RNF14: variants seen among roughly 807,000 people sequenced by gnomAD.
RNF14 encodes ring finger protein 14, also known as E3 ubiquitin-protein ligase RNF14.
In RNF14, 26 loss-of-function variants were observed where a neutral mutation model predicts 52.6. The ratio of observed to expected loss-of-function variants is 0.49; its 90% CI spans 0.36 to 0.69. The LOEUF (loss-of-function observed/expected upper bound fraction) is 0.69, where lower values mean the gene tolerates loss of function less well. Ranked by LOEUF, RNF14 falls within the 30% of genes least tolerant of loss-of-function variation. The pLI, the probability that RNF14 is intolerant of heterozygous loss-of-function variation, is 0.00. For synonymous variants in RNF14, 194 were observed against 202.0 expected (o/e 0.96, Z 0.34); for missense variants, 404 against 560.4 (o/e 0.72, Z 2.82).
intron 4 of RNF14, among the ~76,000 whole-genome samples, chr5:141,976,733 C>T (rs955270949): frequency 1.3e-5 from 2 of 151,110 alleles, no homozygotes; most frequent in East Asian, 1.9e-4. Context: ...GTCTCTTTCC[C>T]GTCCCCCTTC....
At chr5:141,953,209 C>T in the RNF14 span, 2 of 152,220 alleles carry the variant, frequency 1.3e-5, no homozygotes, top group African/African-American at 4.8e-5. Context: ...TAAATATGTC[C>T]CTGCCCCAGT....
upstream of RNF14, among the ~76,000 whole-genome samples, chr5:141,967,241 T>C (rs1034665668): frequency 6.6e-6 from 1 of 152,332 alleles, no homozygotes; most frequent in South Asian, 2.1e-4. Context: ...AAAATAAAAA[T>C]GCAGCCTCTC....
chr5:141,987,921 G>A lies in RNF14; in HGVS notation c.*131G>A. ...CTGCGTAGAAGATATGGAAGAACGA[G>A]GTTTATATTTTCATGTGGTACTACT... On this transcript the variant is annotated 3_prime_UTR_variant, in exon 9 of 9. Transcript: ENST00000394520. 2 of 823,640 alleles carry A rather than the reference G, an allele frequency of 2.4e-6. No homozygotes were observed. The highest frequency in any genetic ancestry group is 2.5e-5 in the East Asian group (1 of 39,558). The allele number at this position is 823,640 out of a possible 1,614,324, so 51.0% of individuals were successfully genotyped here. A position where few individuals can be genotyped will look rare whatever the true frequency, so the allele number is the denominator to read the frequency against.
the RNF14 span, chr5:141,951,474 G>T: frequency 6.3e-7 from 1 of 1,599,094 alleles, no homozygotes; most frequent in Non-Finnish European, 8.6e-7. Flanking sequence ...GATGCCTGTG[G>T]GGGCTACGTG....
At chr5:141,971,007 T>TAATTAAAGGAATTTTAAA (rs1424354876) in intron 2 of RNF14, 130 bp downstream of exon 2, 3 of 152,302 alleles carry the variant, frequency 2.0e-5, no homozygotes, top group Non-Finnish European at 4.4e-5. Flanking sequence ...AATTTCATAG[T>TAATTAAAGGAATTTTAAA]ATGACCTTTT....
chr5:141,978,841 AC>A lies in RNF14; in HGVS notation c.834+14del. The A allele has an allele frequency of 6.2e-7, 1 of 1,608,816 alleles. No homozygotes were observed. Among genetic ancestry groups the A allele is most frequent in the Non-Finnish European group, 8.5e-7 (1 of 1,175,952 alleles). The stretch of plus-strand genomic sequence containing the variant: ...GCCACTCCTGGTCAGGTAACTGTTT[AC>A]CCTGCTGATGGTTGCCTCCTAATTC... On this transcript the variant is annotated intron_variant, in intron 5 of 8. Transcript: ENST00000394520.
chr5:141,984,400 A>G (rs1022075618), intron 7 of RNF14, among the ~76,000 whole-genome samples: 2 of 152,154 alleles, frequency 1.3e-5, no homozygotes, highest in African/African-American at 2.4e-5. Flanking sequence ...ACCTGGCCAT[A>G]TAATCACTTT....
chr5:141,983,227 A>G (rs1754935537), intron 6 of RNF14, among the ~76,000 whole-genome samples, 153 bp from the exon 7 acceptor site: 1 of 152,182 alleles, frequency 6.6e-6, no homozygotes, highest in South Asian at 2.1e-4. Context: ...CCATTGTTAT[A>G]TGCATCTCCA....
rs966742447 is a variant in RNF14, at chr5:141,978,590, C to G, written c.594C>G (p.Ile198Met). ...ATGTGGAATCACTGTCAAATCTGAT[C>G]CAGGAAATCTTGGACTTTGATCAAG... ...VQDVESLSNL[I>M]QEILDFDQAQ... Residue 198 changes from isoleucine (I) to methionine (M), a missense_variant, in exon 5 of 9, where the codon ATC (isoleucine) becomes ATG (methionine). Transcript: ENST00000394520. 6 of 1,613,886 alleles carry G rather than the reference C, an allele frequency of 3.7e-6. No homozygotes were observed. The highest frequency in any genetic ancestry group is 4.2e-6 in the Non-Finnish European group (5 of 1,179,930).
chr5:141,957,324 G>T, upstream of RNF14: 1 of 1,613,414 alleles, frequency 6.2e-7, no homozygotes, highest in Non-Finnish European at 8.5e-7. The surrounding 1 kb of genome is among the most constrained non-coding windows in gnomAD (Gnocchi z 4.3). Flanking sequence ...AGTGCTCACT[G>T]GGAGACAGAG....
In RNF14 at chr5:141,980,238, C is replaced by T. The variant is rs770907142; in HGVS notation, c.950C>T (p.Pro317Leu). ...VYCPRPCCQL[P>L]VMQEPGCTMG... ...TGCCCCCGGCCGTGCTGCCAGCTGCCTGTGATGCAGGAACCTGGCTGCACC... is the reference window on the plus strand; with the variant it reads ...TGCCCCCGGCCGTGCTGCCAGCTGCTTGTGATGCAGGAACCTGGCTGCACC... The change falls in exon 6 of 9, where the codon CCT becomes CTT. Residue 317 changes from proline (P) to leucine (L), a missense_variant. Coordinates refer to ENST00000394520, the MANE Select transcript of RNF14 (RefSeq NM_004290.5). 6.2e-7 allele frequency: 1 copy of T among 1,614,238 alleles called. No homozygotes were observed. The highest frequency in any genetic ancestry group is 8.5e-7 in the Non-Finnish European group (1 of 1,180,042).
chr5:141,975,364 T>C (rs902342256), intron 4 of RNF14, among the ~76,000 whole-genome samples: 1 of 152,258 alleles, frequency 6.6e-6, no homozygotes, highest in East Asian at 1.9e-4. Flanking sequence ...AAAATTGAGC[T>C]AATGTAGTTA....
chr5:141,982,337 A>C (rs1048377457), intron 6 of RNF14, among the ~76,000 whole-genome samples: 2 of 152,200 alleles, frequency 1.3e-5, no homozygotes, highest in Admixed American at 1.3e-4. Flanking sequence ...TCACTGCTAC[A>C]TTGAAGTAGA....
At chr5:141,949,774 GAGTA>G in the RNF14 span, among the ~76,000 whole-genome samples, 3,770 of 152,262 alleles carry the variant, frequency 0.025, 143 homozygotes, top group African/African-American at 0.084. Flanking sequence ...TGTAAAATGA[GAGTA>G]ATAAATAACA....
intron 7 of RNF14, among the ~76,000 whole-genome samples, chr5:141,984,515 A>G (rs1415666757): frequency 1.3e-5 from 2 of 152,252 alleles, no homozygotes; most frequent in Admixed American, 1.3e-4. Flanking sequence ...ACATTTTAAT[A>G]TTAATCTAAC....
chr5:141,955,800 G>A (rs553472671), upstream of RNF14: 1 of 1,613,736 alleles, frequency 6.2e-7, no homozygotes, highest in East Asian at 2.2e-5. The surrounding 1 kb of genome is among the most constrained non-coding windows in gnomAD (Gnocchi z 5.5). Context: ...GGGTCTGTAA[G>A]GGGGGGCTTC....
upstream of RNF14, chr5:141,957,301 A>C: frequency 6.2e-7 from 1 of 1,613,432 alleles, no homozygotes; most frequent in Non-Finnish European, 8.5e-7. The surrounding 1 kb of genome is among the most constrained non-coding windows in gnomAD (Gnocchi z 4.3). Flanking sequence ...GCCCACAATG[A>C]CATCCAAGGC....
chr5:141,966,498 C>T (rs890947601), upstream of RNF14, among the ~76,000 whole-genome samples: 1 of 152,106 alleles, frequency 6.6e-6, no homozygotes, highest in Non-Finnish European at 1.5e-5. Context: ...GTCATAGGGT[C>T]CTGGGCATTT....
chr5:141,967,374 G>T (rs763807110), upstream of RNF14, among the ~76,000 whole-genome samples: 1 of 152,180 alleles, frequency 6.6e-6, no homozygotes, highest in African/African-American at 2.4e-5. Flanking sequence ...TTGATTACAT[G>T]AGTAAGTTCT....
Sources: gnomAD v4.1 joint callset for allele counts (sites outside exome capture counted in the v4.1 genomes callset) on GRCh38, gnomAD v4.1.1 for gene constraint, Gnocchi (gnomAD v3.1) non-coding constraint, MANE v1.5 for transcripts, NCBI Gene and HGNC (gene_info 2026-07-23, HGNC 2026-07-21) for gene names.